The following LGSN variants were observed in gnomAD, a reference collection of about 807,000 sequenced individuals.
LGSN encodes the protein lengsin.
Under a neutral mutation model 19.5 loss-of-function variants are expected in LGSN, and 21 were observed. That is an observed-to-expected ratio of 1.07 (90% CI 0.76 to 1.55). LGSN has a LOEUF of 1.55. LGSN is among the 40% of genes most tolerant of loss of function. The pLI, the probability that LGSN is intolerant of heterozygous loss-of-function variation, is 0.00. For synonymous variants in LGSN, 257 were observed against 215.6 expected (o/e 1.19, Z -1.68); for missense variants, 673 against 608.5 (o/e 1.11, Z -1.12).
the LGSN span, among the ~76,000 whole-genome samples, chr6:63,448,580 A>G: frequency 6.6e-6 from 1 of 151,772 alleles, no homozygotes; most frequent in Non-Finnish European, 1.5e-5. Context: ...ACCCCTAAGT[A>G]TTATACACCC....
the LGSN span, among the ~76,000 whole-genome samples, chr6:63,493,967 T>TTG: frequency 3.3e-5 from 5 of 151,162 alleles, no homozygotes; most frequent in African/African-American, 1.2e-4. Context: ...TTTTTTTTTT[T>TTG]GAGACGGAGT....
chr6:63,394,668 C>A, the LGSN span, among the ~76,000 whole-genome samples: 1,263 of 152,340 alleles, frequency 8.3e-3, 14 homozygotes, highest in South Asian at 0.025. Context: ...CTCGCTTTCA[C>A]TTTACTCAAT....
At chr6:63,357,662 CA>C in the LGSN span, among the ~76,000 whole-genome samples, 1 of 152,038 alleles carries the variant, frequency 6.6e-6, no homozygotes, top group African/African-American at 2.4e-5. Context: ...ATCCTTTGCC[CA>C]CTTGTTGATG....
At chr6:63,470,161 C>T in the LGSN span, among the ~76,000 whole-genome samples, 1 of 151,876 alleles carries the variant, frequency 6.6e-6, no homozygotes, top group Non-Finnish European at 1.5e-5. Context: ...GGAAGGCAGG[C>T]AGGCAGGCAC....
At chr6:63,500,427 A>AT in the LGSN span, among the ~76,000 whole-genome samples, 19 of 148,776 alleles carry the variant, frequency 1.3e-4, no homozygotes, top group East Asian at 2.0e-4. Flanking sequence ...TTTTTAATTA[A>AT]TTTTTTTTTT....
At chr6:63,412,525 A>AGAAAGAAAGAAAGAAG in the LGSN span, among the ~76,000 whole-genome samples, 3 of 84,248 alleles carry the variant, frequency 3.6e-5, no homozygotes, top group African/African-American at 1.4e-4. Context: ...AAAGAAAGAA[A>AGAAAGAAAGAAAGAAG]GAAGGAAAGA....
intron 2 of LGSN, among the ~76,000 whole-genome samples, chr6:63,289,575 A>G (rs565143460): frequency 1.3e-4 from 20 of 152,052 alleles, no homozygotes; most frequent in African/African-American, 4.6e-4. Context: ...ATGTGTTTTT[A>G]TAGAAGATGT....
chr6:63,420,250 C>A, the LGSN span, among the ~76,000 whole-genome samples: 35 of 152,008 alleles, frequency 2.3e-4, no homozygotes, highest in African/African-American at 8.2e-4. Context: ...CTAGACTTTT[C>A]CCTTCTGCAT....
At chr6:63,323,258 G>A (rs770867188), upstream of LGSN, among the ~76,000 whole-genome samples, 1 of 152,096 alleles carries the variant, frequency 6.6e-6, no homozygotes, top group Non-Finnish European at 1.5e-5. Flanking sequence ...CTTTTTATTT[G>A]TAAGATTTAT....
chr6:63,337,955 G>C, the LGSN span, among the ~76,000 whole-genome samples: 4 of 152,068 alleles, frequency 2.6e-5, no homozygotes, highest in South Asian at 8.3e-4. Flanking sequence ...GTGCAATCTT[G>C]GCTCACTGCA....
the LGSN span, among the ~76,000 whole-genome samples, chr6:63,480,960 T>C: frequency 1.8e-4 from 5 of 28,218 alleles, no homozygotes; most frequent in Non-Finnish European, 2.6e-4. Context: ...TATATATATA[T>C]ATATATATAT....
the LGSN span, among the ~76,000 whole-genome samples, chr6:63,398,410 G>A: frequency 2.6e-5 from 4 of 151,902 alleles, no homozygotes; most frequent in African/African-American, 4.8e-5. Flanking sequence ...TTAGGGTAAT[G>A]TGTGTACTTA....
At chr6:63,483,074 T>A in the LGSN span, among the ~76,000 whole-genome samples, 1 of 152,188 alleles carries the variant, frequency 6.6e-6, no homozygotes, top group Non-Finnish European at 1.5e-5. Flanking sequence ...ACTAGAGAGT[T>A]AAACAAGCCA....
intron 1 of LGSN, among the ~76,000 whole-genome samples, chr6:63,295,805 C>A (rs931876878): frequency 2.0e-5 from 3 of 151,964 alleles, no homozygotes; most frequent in African/African-American, 7.3e-5. Flanking sequence ...CACAGAGTCA[C>A]CCCTGCAGTC....
At chr6:63,486,838 A>T in the LGSN span, among the ~76,000 whole-genome samples, 2 of 148,322 alleles carry the variant, frequency 1.3e-5, no homozygotes, top group Non-Finnish European at 3.0e-5. Context: ...TATTATTATT[A>T]TTATTATTAT....
chr6:63,297,022 TACTA>T (rs1768000378), intron 1 of LGSN, among the ~76,000 whole-genome samples: 1 of 151,864 alleles, frequency 6.6e-6, no homozygotes. Flanking sequence ...TTTACCTAGT[TACTA>T]ACTGAGAATT....
At chr6:63,351,861 A>G in the LGSN span, among the ~76,000 whole-genome samples, 1 of 152,230 alleles carries the variant, frequency 6.6e-6, no homozygotes, top group Admixed American at 6.5e-5. Context: ...TGATGTTTCA[A>G]TGACATATAC....
chr6:63,549,019 T>C, the LGSN span: 3 of 728,100 alleles, frequency 4.1e-6, no homozygotes, highest in African/African-American at 5.1e-5. Context: ...ACCAGCTCGA[T>C]GGGATCCACG....
the LGSN span, among the ~76,000 whole-genome samples, chr6:63,506,099 A>G: frequency 6.6e-6 from 1 of 152,242 alleles, no homozygotes; most frequent in Non-Finnish European, 1.5e-5. Context: ...AGTTATTTAC[A>G]TTCTTTGCTT....
Sources: allele counts gnomAD v4.1 joint callset (sites outside exome capture counted in the v4.1 genomes callset), GRCh38; gene constraint gnomAD v4.1.1; transcripts MANE v1.5; gene names NCBI Gene and HGNC (gene_info 2026-07-23, HGNC 2026-07-21).